Variants in PEAK3 observed in about 807,000 individuals in gnomAD.
PEAK3 encodes the protein protein PEAK3.
A neutral mutation model predicts 13.3 loss-of-function variants in PEAK3; 15 were observed. That is an observed-to-expected ratio of 1.13 (90% confidence interval 0.75 to 1.73). The LOEUF is 1.73. Among genes scored for constraint, PEAK3 ranks in the 40% most tolerant of loss-of-function variants. PEAK3 has a pLI of 0.00. For missense variants in PEAK3, 739 were observed against 690.2 expected, an observed-to-expected ratio of 1.07 and a Z score of -0.79; for synonymous variants, 347 against 341.9, an observed-to-expected ratio of 1.01 and a Z score of -0.17.
rs1316936654 is a variant in PEAK3 at position 2,276,235 on chromosome 19, G to C, written c.867C>G (p.Ser289Arg). 1.9e-6 allele frequency: 3 copies of C among 1,583,446 alleles called. No individual in the cohort carries two copies. The East Asian group carries it at 7.0e-5, about 37-fold the overall frequency. The change falls in exon 4 of 4, where the codon AGC becomes AGG. Residue 289 changes from serine to arginine, a missense_variant. Ser to Arg is a moderately radical substitution (Grantham distance 110). Transcript: ENST00000342063. ...ACGCCTCCAGGAACTTCAGGGCCGCGCTCAGCTGCAGCAGCAGCAGGGCCA... is the reference window on the plus strand; with the variant it reads ...ACGCCTCCAGGAACTTCAGGGCCGCCCTCAGCTGCAGCAGCAGCAGGGCCA... ...WAVALLLLQL[S>R]AALKFLEAWG...
In PEAK3 at chr19:2,278,978, C is replaced by T. The variant is rs754414429; in HGVS notation, c.218G>A (p.Arg73His). Residue 73 changes from arginine (R) to histidine (H), a missense_variant, in exon 3 of 4, where the codon CGC becomes CAC. Coordinates refer to ENST00000342063, the MANE Select transcript of PEAK3 (RefSeq NM_198532.3). ...ILTRTQSLPTRRTLHPSSIQV... is the reference protein window; with the variant it reads ...ILTRTQSLPTHRTLHPSSIQV... ...GATGGAGCTGGGATGGAGGGTCCTG[C>T]GGGTGGGCAGTGACTGGGTCCGGGT... The T allele has an allele frequency of 2.5e-5, 39 of 1,552,048 alleles. No individual in the cohort carries two copies. Among genetic ancestry groups the T allele is most frequent in the South Asian group, 2.3e-5 (2 of 86,412 alleles).
chr19:2,275,302 C>T lies in PEAK3; in HGVS notation c.*378G>A, dbSNP rs183005312. On this transcript the variant is annotated 3_prime_UTR_variant, in exon 4 of 4. Transcript: ENST00000342063. Reference sequence around the variant, plus strand: ...GGAATGCCTCTGGTCCCGGCATTGGCCTCTCATGGAGACAATGACAGAACC... The same window carrying T: ...GGAATGCCTCTGGTCCCGGCATTGGTCTCTCATGGAGACAATGACAGAACC... 186 of 176,404 alleles carry T rather than the reference C, an allele frequency of 1.1e-3. 1 individual carries two copies. Among genetic ancestry groups the T allele is most frequent in the Non-Finnish European group, 1.2e-3 (102 of 84,268 alleles). The allele number at this position is 176,404 out of a possible 1,614,324, so 10.9% of individuals were successfully genotyped here.
intron 1 of PEAK3, among the ~76,000 whole-genome samples, chr19:2,281,851 AC>A (rs1390085789): frequency 5.3e-5 from 8 of 151,758 alleles, no homozygotes; most frequent in Non-Finnish European, 1.2e-4. Flanking sequence ...AGTGGGAAGG[AC>A]CCCCCTCTGC....
rs1568408403 is a variant in PEAK3 at position 2,278,615 on chromosome 19, T to C, written c.581A>G (p.His194Arg). Reference protein sequence around the residue: ...DALYYRVVRAHEDAWHILVAK... With the variant: ...DALYYRVVRAREDAWHILVAK... Reference sequence around the variant, plus strand: ...GACCAGGATGTGCCAGGCGTCCTCGTGCGCGCGCACCACGCGGTAATACAG... The same window carrying C: ...GACCAGGATGTGCCAGGCGTCCTCGCGCGCGCGCACCACGCGGTAATACAG... The change falls in exon 3 of 4, where the codon CAC (histidine) becomes CGC (arginine). Residue 194 changes from histidine (H) to arginine (R), a missense_variant. By Grantham distance (29) the His-to-Arg change is conservative. Transcript: ENST00000342063. 1 of 1,491,674 alleles carries C rather than the reference T, an allele frequency of 6.7e-7. No individual in the cohort carries two copies. The highest frequency in any genetic ancestry group is 2.3e-5 in the East Asian group (1 of 42,756). 92.4% of individuals were successfully genotyped at this position (1,491,674 alleles called of 1,614,324 possible). A position where few individuals can be genotyped will look rare whatever the true frequency, so the allele number is the denominator to read the frequency against.
Position 2,279,898 on chromosome 19 carries a change from C to T in PEAK3, c.83-785G>A, listed in dbSNP as rs544017618. 1.0e-4 allele frequency among the ~76,000 whole-genome samples: 15 copies of T among 150,650 alleles called. No individual in the cohort carries two copies. The East Asian group carries it at 1.4e-3, about 14-fold the overall frequency. On this transcript the variant is annotated intron_variant, in intron 2 of 3. Transcript: ENST00000342063. ...CCAAGTAGCTGGGACTACAGGTGCC[C>T]GCCCGCCACTATGCCCAGCTAATTT... is the stretch of plus-strand genomic sequence containing the variant.
At chr19:2,281,920 CG>C (rs1265873819) in intron 1 of PEAK3, among the ~76,000 whole-genome samples, 166 bp downstream of exon 1, 1 of 152,126 alleles carries the variant, frequency 6.6e-6, no homozygotes, top group Admixed American at 6.5e-5. Flanking sequence ...GGGTCAGTTG[CG>C]GGGGAGACAG....
In PEAK3 at chr19:2,276,056, G is replaced by C; in HGVS notation, c.1046C>G (p.Ala349Gly). The C allele has an allele frequency of 1.4e-6, 2 of 1,448,990 alleles. No homozygotes were observed. Among genetic ancestry groups the C allele is most frequent in the Non-Finnish European group, 1.8e-6 (2 of 1,102,088 alleles). The allele number at this position is 1,448,990 out of a possible 1,614,324, so 89.8% of individuals were successfully genotyped here. ...PGPPGSPGPH[A>G]PQLGSLLRAL... is the part of the protein sequence containing the mutation. ...TCGGAGGAGGCTGCCCAGCTGCGGC[G>C]CGTGGGGGCCCGGGGATCCCGGGGG... Residue 349 changes from alanine to glycine, a missense_variant, in exon 4 of 4, where the codon GCG (alanine) becomes GGG (glycine). Coordinates refer to ENST00000342063, the MANE Select transcript of PEAK3 (RefSeq NM_198532.3).
chr19:2,276,720 A>G (rs895916563), intron 3 of PEAK3, among the ~76,000 whole-genome samples: 1 of 152,164 alleles, frequency 6.6e-6, no homozygotes, highest in Admixed American at 6.5e-5. Flanking sequence ...TTCCTGGGCA[A>G]TGAGTTCGAA....
rs2025386363 is a variant in PEAK3, at chr19:2,276,257, G to T, written c.845C>A (p.Ala282Asp). ...QPPEEFVWAV[A>D]LLLLQLSAAL... ...CGCGCTCAGCTGCAGCAGCAGCAGG[G>T]CCACAGCCCACACGAACTCCTCCGG... Residue 282 changes from alanine to aspartate, a missense_variant, in exon 4 of 4, where the codon GCC becomes GAC. Physicochemically the swap from Ala to Asp is moderately radical, Grantham distance 126. Coordinates refer to ENST00000342063, the MANE Select transcript of PEAK3 (RefSeq NM_198532.3). The T allele has an allele frequency of 1.3e-6, 2 of 1,590,998 alleles. No homozygotes were observed. Among genetic ancestry groups the T allele is most frequent in the Non-Finnish European group, 8.5e-7 (1 of 1,174,904 alleles).
chr19:2,279,175 T>G, intron 2 of PEAK3, 62 bp from the exon 3 acceptor site: 1 of 1,293,848 alleles, frequency 7.7e-7, no homozygotes, highest in Non-Finnish European at 1.0e-6. Context: ...GACACGTGAC[T>G]CCACCTCTCA....
chr19:2,279,230 G>A (rs1471389139), intron 2 of PEAK3, 117 bp from the exon 3 acceptor site: 12 of 876,668 alleles, frequency 1.4e-5, no homozygotes, highest in Middle Eastern at 3.7e-4. Context: ...GAGGCTGGGC[G>A]CCGGTGGCTC....
Position 2,276,500 on chromosome 19 carries a change from G to C in PEAK3, c.613-11C>G. The C allele has an allele frequency of 1.3e-6, 2 of 1,503,148 alleles. No homozygotes were observed. The highest frequency in any genetic ancestry group is 1.8e-6 in the Non-Finnish European group (2 of 1,133,858). The allele number at this position is 1,503,148 out of a possible 1,614,324, so 93.1% of individuals were successfully genotyped here. ...CCCGGGCTTGGGCACCTGCAAGGCA[G>C]AGGGGGTGTCGGGGCCTGGATCACT... is the stretch of plus-strand genomic sequence containing the variant. On this transcript the variant is annotated splice_polypyrimidine_tract_variant and intron_variant, in intron 3 of 3. Transcript: ENST00000342063.
chr19:2,279,812 C>T (rs1292887589), intron 2 of PEAK3, among the ~76,000 whole-genome samples: 6 of 151,790 alleles, frequency 4.0e-5, no homozygotes, highest in African/African-American at 7.3e-5. Flanking sequence ...TGCAGTGGCA[C>T]GATCTCGGCT....
chr19:2,275,886 GCT>G lies in PEAK3; in HGVS notation c.1214_1215del (p.Glu405AlafsTer95). 7.1e-7 allele frequency: 1 copy of G among 1,411,388 alleles called. No homozygotes were observed. The highest frequency in any genetic ancestry group is 1.5e-5 in the South Asian group (1 of 68,124). The allele number at this position is 1,411,388 out of a possible 1,614,324, so 87.4% of individuals were successfully genotyped here. ...CCAAGCGGTGCTCCGCGGCCGCGCA[GCT>G]CAGGCCCGGGCCCCCAGAGCAGCGC... is the stretch of plus-strand genomic sequence containing the variant. ...LQALLWGPGPELRGRGAPLGP... is the reference protein window; with the variant it reads ...LQALLWGPGPXLRGRGAPLGP... On this transcript the variant is annotated frameshift_variant, in exon 4 of 4. Transcript: ENST00000342063. LOFTEE classifies it low-confidence loss of function (END_TRUNC).
Position 2,280,946 on chromosome 19 carries a change from G to A in PEAK3, c.-4-11C>T, listed in dbSNP as rs956439101. 2 of 1,528,946 alleles carry A rather than the reference G, an allele frequency of 1.3e-6. No individual in the cohort carries two copies. Among genetic ancestry groups the A allele is most frequent in the African/African-American group, 1.4e-5 (1 of 71,288 alleles). The allele number at this position is 1,528,946 out of a possible 1,614,324, so 94.7% of individuals were successfully genotyped here. ...GGGCTGCTCATGTTGCTGGGGAAAG[G>A]TCAAACGGGGCGTGTGTGGGGTGAC... On this transcript the variant is annotated splice_polypyrimidine_tract_variant and intron_variant, in intron 1 of 3. Coordinates refer to ENST00000342063, the MANE Select transcript of PEAK3 (RefSeq NM_198532.3).
chr19:2,278,473 T>C (rs2025411148), intron 3 of PEAK3, 111 bp downstream of exon 3: 1 of 1,236,692 alleles, frequency 8.1e-7, no homozygotes, highest in Admixed American at 2.9e-5. Flanking sequence ...AGTATTTCTT[T>C]ACAGCAGTGT....
rs2025373276 is a variant in PEAK3, at chr19:2,275,241, T to C, written c.*439A>G. 1 of 155,306 alleles carries C rather than the reference T, an allele frequency of 6.4e-6. No homozygotes were observed. The highest frequency in any genetic ancestry group is 2.0e-4 in the South Asian group (1 of 4,892). 9.6% of individuals were successfully genotyped at this position (155,306 alleles called of 1,614,324 possible). A position where few individuals can be genotyped will look rare whatever the true frequency, so the allele number is the denominator to read the frequency against. Reference sequence around the variant, plus strand: ...GGGGCATTCACATGCCCAAAATCACTGGCCATCTTCAGCACAAGGGGGTGC... The same window carrying C: ...GGGGCATTCACATGCCCAAAATCACCGGCCATCTTCAGCACAAGGGGGTGC... On this transcript the variant is annotated 3_prime_UTR_variant, in exon 4 of 4. Coordinates refer to ENST00000342063, the MANE Select transcript of PEAK3 (RefSeq NM_198532.3).
rs1422570226 is a variant in PEAK3, at chr19:2,278,350, T to A, written c.612+234A>T. Among the ~76,000 whole-genome samples, 4 of 121,782 alleles carry A rather than the reference T, an allele frequency of 3.3e-5. No homozygotes were observed. The East Asian group carries it at 1.2e-3, about 35-fold the overall frequency. The allele number at this position is 121,782 out of a possible 152,430, so 79.9% of individuals were successfully genotyped here. Reference sequence around the variant, plus strand: ...TAATTTTTGTATTTTTAGTAGAGGCTGGGTTTCACCATGTTGGCCAGGCTG... The same window carrying A: ...TAATTTTTGTATTTTTAGTAGAGGCAGGGTTTCACCATGTTGGCCAGGCTG... On this transcript the variant is annotated intron_variant, in intron 3 of 3. Coordinates refer to ENST00000342063, the MANE Select transcript of PEAK3 (RefSeq NM_198532.3).
chr19:2,275,110 T>C lies in PEAK3; in HGVS notation c.*570A>G, dbSNP rs902508218. On this transcript the variant is annotated 3_prime_UTR_variant, in exon 4 of 4. Coordinates refer to ENST00000342063, the MANE Select transcript of PEAK3 (RefSeq NM_198532.3). ...AGGTGGCAGGGAACCGCGGGGACTG[T>C]TTTAGGGAAGGTGAGTCCAGACCCC... 2.0e-5 allele frequency: 3 copies of C among 151,570 alleles called. No individual in the cohort carries two copies. Among genetic ancestry groups the C allele is most frequent in the African/African-American group, 7.3e-5 (3 of 41,180 alleles). 9.4% of individuals were successfully genotyped at this position (151,570 alleles called of 1,614,324 possible). A position where few individuals can be genotyped will look rare whatever the true frequency, so the allele number is the denominator to read the frequency against.
Sources: allele counts gnomAD v4.1 joint callset (sites outside exome capture counted in the v4.1 genomes callset), GRCh38; gene constraint gnomAD v4.1.1; transcripts MANE v1.5; gene names NCBI Gene and HGNC (gene_info 2026-07-23, HGNC 2026-07-21).